RIMBP2: variants seen among roughly 807,000 people sequenced by gnomAD.
RIMBP2 encodes RIMS binding protein 2.
RIMBP2 carries 48 observed loss-of-function variants against 118.6 expected under a neutral mutation model. The ratio of observed to expected loss-of-function variants is 0.40; its 90% CI spans 0.32 to 0.51. RIMBP2 has a LOEUF of 0.51. Ranked by LOEUF, RIMBP2 falls within the 20% of genes least tolerant of loss-of-function variation. The probability of loss-of-function intolerance (pLI) is 0.41; values close to 1 mark genes in which losing one functional copy is unlikely to be tolerated. For missense variants in RIMBP2, 1,551 were observed against 1,768.3 expected (o/e 0.88, Z 2.20); for synonymous variants, 762 against 742.9 (o/e 1.03, Z -0.42).
At chr12:130,563,906 T>G (rs986833670) in intron 2 of RIMBP2, among the ~76,000 whole-genome samples, 2 of 152,186 alleles carry the variant, frequency 1.3e-5, no homozygotes, top group African/African-American at 4.8e-5. Context: ...GCCAAAAACC[T>G]TCCTACACCT....
intron 17 of RIMBP2, among the ~76,000 whole-genome samples, chr12:130,418,611 C>T (rs932716759): frequency 1.1e-4 from 17 of 152,210 alleles, no homozygotes; most frequent in Admixed American, 3.3e-4. Context: ...AGCAAGTTCT[C>T]AGCACTTCCC....
rs368307315 is a variant in RIMBP2, at chr12:130,620,064, C to T, written c.-217+8258G>A. 6.5e-4 allele frequency among the ~76,000 whole-genome samples: 99 copies of T among 152,220 alleles called. 4 individuals are homozygous for T. The South Asian group carries it at 9.6e-3, about 15-fold the overall frequency. ...CGAGAAAGAGGCTCCTGGACCCCTG[C>T]GGCAACCGGTTGAAAAGGGCCTCCG... On this transcript the variant is annotated intron_variant, in intron 2 of 22. Coordinates refer to ENST00000690449, the MANE Select transcript of RIMBP2 (RefSeq NM_001393629.1). The surrounding 1 kb of genome is among the most constrained non-coding windows in gnomAD (Gnocchi z 5.3).
chr12:130,642,650 A>G (rs1012619078), intron 1 of RIMBP2, among the ~76,000 whole-genome samples: 3 of 152,236 alleles, frequency 2.0e-5, no homozygotes, highest in Admixed American at 6.5e-5. Flanking sequence ...TCGACAACCC[A>G]CATCGACTAA....
intron 17 of RIMBP2, among the ~76,000 whole-genome samples, chr12:130,414,916 G>T (rs563815101): frequency 1.3e-4 from 20 of 152,212 alleles, no homozygotes; most frequent in Middle Eastern, 3.4e-3. Context: ...GGAAGAAATC[G>T]AAACCCTGAA....
chr12:130,412,790 A>G lies in RIMBP2; in HGVS notation c.3421-3T>C, dbSNP rs1405608048. The G allele has an allele frequency of 7.5e-6, 12 of 1,608,080 alleles. No homozygotes were observed. Among genetic ancestry groups the G allele is most frequent in the Non-Finnish European group, 1.0e-5 (12 of 1,177,236 alleles). ...TCAGCGTCTTTATCACCATAAACCT[A>G]GAGCCAAGGGGGAAAATAAATCAAG... On this transcript the variant is annotated splice_polypyrimidine_tract_variant and splice_region_variant and intron_variant, in intron 18 of 22. Transcript: ENST00000690449.
intron 11 of RIMBP2, among the ~76,000 whole-genome samples, chr12:130,439,232 A>G (rs964302911): frequency 2.6e-5 from 4 of 151,590 alleles, no homozygotes; most frequent in Non-Finnish European, 2.9e-5. Flanking sequence ...TTGTGTGTAG[A>G]TGTATATGTA....
intron 3 of RIMBP2, among the ~76,000 whole-genome samples, chr12:130,512,471 C>T (rs2051014722): frequency 1.3e-5 from 2 of 152,172 alleles, no homozygotes; most frequent in Non-Finnish European, 2.9e-5. Context: ...TACAGGTGCA[C>T]TCCACCATGC....
chr12:130,405,951 A>C (rs2075131691), intron 21 of RIMBP2, among the ~76,000 whole-genome samples: 1 of 152,236 alleles, frequency 6.6e-6, no homozygotes, highest in Admixed American at 6.5e-5. Flanking sequence ...TGAAAACACT[A>C]GTATTAGCAA....
At chr12:130,569,238 G>C (rs752560288) in intron 2 of RIMBP2, among the ~76,000 whole-genome samples, 3 of 152,208 alleles carry the variant, frequency 2.0e-5, no homozygotes, top group African/African-American at 4.8e-5. Context: ...CATGACCTCG[G>C]TCACGACCTG....
rs539226456 is a variant in RIMBP2 at position 130,529,882 on chromosome 12, G to A, written c.-216-11965C>T. On this transcript the variant is annotated intron_variant, in intron 2 of 22. Coordinates refer to ENST00000690449, the MANE Select transcript of RIMBP2 (RefSeq NM_001393629.1). ...CACTCTCCTATGAGAATCTTATGCCGCCGCTGATCTGATAGAAGGCAGAGC... is the reference window on the plus strand; with the variant it reads ...CACTCTCCTATGAGAATCTTATGCCACCGCTGATCTGATAGAAGGCAGAGC... Among the ~76,000 whole-genome samples, 117 of 151,912 alleles carry A rather than the reference G, an allele frequency of 7.7e-4. 1 individual carries two copies. The highest frequency in any genetic ancestry group is 2.4e-3 in the African/African-American group (98 of 41,422).
At chr12:130,514,485 G>A (rs531977406) in intron 3 of RIMBP2, among the ~76,000 whole-genome samples, 14 of 152,340 alleles carry the variant, frequency 9.2e-5, no homozygotes, top group Middle Eastern at 6.8e-3. Context: ...CCTGGTCAAT[G>A]CCTGCAGGGC....
At chr12:130,603,044 G>A (rs1009723552) in intron 2 of RIMBP2, among the ~76,000 whole-genome samples, 1 of 152,064 alleles carries the variant, frequency 6.6e-6, no homozygotes, top group Non-Finnish European at 1.5e-5. Flanking sequence ...AACCAAAATT[G>A]GCACCATATT....
chr12:130,636,753 T>C (rs2062369093), intron 1 of RIMBP2, among the ~76,000 whole-genome samples: 1 of 152,198 alleles, frequency 6.6e-6, no homozygotes, highest in African/African-American at 2.4e-5. Flanking sequence ...AGAACAGCGC[T>C]GAGCTATGAG....
At chr12:130,655,570 T>C (rs921846376) in intron 1 of RIMBP2, among the ~76,000 whole-genome samples, 1 of 152,224 alleles carries the variant, frequency 6.6e-6, no homozygotes, top group Non-Finnish European at 1.5e-5. Flanking sequence ...TGAGATTTTC[T>C]TTCTGAACTA....
chr12:130,462,689 A>G (rs954747269), intron 6 of RIMBP2, among the ~76,000 whole-genome samples: 6 of 152,080 alleles, frequency 3.9e-5, no homozygotes, highest in African/African-American at 1.4e-4. Context: ...TGTGCAGTTG[A>G]CGTGCTTTCC....
chr12:130,649,992 A>G (rs1189622956), intron 1 of RIMBP2, among the ~76,000 whole-genome samples: 1 of 151,938 alleles, frequency 6.6e-6, no homozygotes, highest in Non-Finnish European at 1.5e-5. Flanking sequence ...CGAGACTCTC[A>G]GAGATGAGGG....
intron 1 of RIMBP2, among the ~76,000 whole-genome samples, chr12:130,695,602 T>C (rs2065528021): frequency 6.6e-6 from 1 of 152,036 alleles, no homozygotes; most frequent in South Asian, 2.1e-4. Context: ...AGGAACCTCA[T>C]TCCAAGCGGG....
At chr12:130,591,946 C>G (rs985533307) in intron 2 of RIMBP2, among the ~76,000 whole-genome samples, 1 of 152,236 alleles carries the variant, frequency 6.6e-6, no homozygotes, top group African/African-American at 2.4e-5. Context: ...CGCTGCACCA[C>G]TGCCCCAGCC....
chr12:130,461,132 G>A (rs1193187731), intron 6 of RIMBP2, among the ~76,000 whole-genome samples: 1 of 152,198 alleles, frequency 6.6e-6, no homozygotes, highest in Non-Finnish European at 1.5e-5. Flanking sequence ...CACATGAGAT[G>A]TGGATGGGAG....
Sources: allele counts gnomAD v4.1 joint callset (sites outside exome capture counted in the v4.1 genomes callset), GRCh38; gene constraint gnomAD v4.1.1; non-coding constraint Gnocchi (gnomAD v3.1); transcripts MANE v1.5; gene names NCBI Gene and HGNC (gene_info 2026-07-23, HGNC 2026-07-21).